The following ZNF33A variants were observed in gnomAD, a reference collection of about 807,000 sequenced individuals.
ZNF33A encodes zinc finger protein 33A.
In ZNF33A, 9 loss-of-function variants were observed where a neutral mutation model predicts 15.9. That is an observed-to-expected ratio of 0.57 (90% CI 0.34 to 0.99). The LOEUF (loss-of-function observed/expected upper bound fraction) is 0.99, where lower values mean the gene tolerates loss of function less well. Ranked by LOEUF, ZNF33A falls within the 50% of genes least tolerant of loss-of-function variation. ZNF33A has a pLI of 0.02. For missense variants in ZNF33A, 843 were observed against 941.6 expected (o/e 0.90, Z 1.37); for synonymous variants, 294 against 324.2 (o/e 0.91, Z 1.00).
intron 4 of ZNF33A, among the ~76,000 whole-genome samples, chr10:38,046,190 G>T (rs2065939749): frequency 1.3e-5 from 2 of 152,190 alleles, no homozygotes; most frequent in Non-Finnish European, 2.9e-5. Flanking sequence ...GCTTGCAGGA[G>T]ATAGATGCAC....
At position 38,054,772 on chromosome 10, in the gene ZNF33A, G is replaced by C; in HGVS notation, c.648G>C (p.Glu216Asp). The C allele has an allele frequency of 6.2e-7, 1 of 1,613,562 alleles. No homozygotes were observed. Among genetic ancestry groups the C allele is most frequent in the Non-Finnish European group, 8.5e-7 (1 of 1,179,904 alleles). Residue 216 changes from glutamate (E) to aspartate (D), a missense_variant, in exon 5 of 5, where the codon GAG (glutamate) becomes GAC (aspartate). By Grantham distance (45) the Glu-to-Asp change is conservative. Transcript: ENST00000432900. ...TLQHEKIQTL[E>D]HNFEYSICQE... The stretch of plus-strand genomic sequence containing the variant: ...AGCATGAGAAGATTCAAACTTTAGA[G>C]CACAATTTTGAATACAGTATATGTC...
At chr10:38,021,423 A>T (rs1275172476) in intron 4 of ZNF33A, among the ~76,000 whole-genome samples, 11 of 12,382 alleles carry the variant, frequency 8.9e-4, no homozygotes, top group African/African-American at 1.6e-3. Flanking sequence ...ATTACTAGCC[A>T]TGAGGTCAGG....
At chr10:38,066,237 T>G (rs1464747408), downstream of ZNF33A, among the ~76,000 whole-genome samples, 1 of 152,160 alleles carries the variant, frequency 6.6e-6, no homozygotes, top group Non-Finnish European at 1.5e-5. Context: ...TCTTTCCAGC[T>G]ATTTCTTTCT....
At chr10:38,061,818 G>A (rs1435401943), downstream of ZNF33A, among the ~76,000 whole-genome samples, 2 of 152,098 alleles carry the variant, frequency 1.3e-5, no homozygotes, top group Non-Finnish European at 2.9e-5. Flanking sequence ...AAAATTAGCT[G>A]AGCATGGTCG....
intron 4 of ZNF33A, among the ~76,000 whole-genome samples, chr10:38,019,192 G>A (rs951185953): frequency 1.3e-5 from 2 of 150,132 alleles, no homozygotes; most frequent in African/African-American, 4.9e-5. Context: ...GTGTCCATGT[G>A]TTCTCATTGT....
intron 4 of ZNF33A, among the ~76,000 whole-genome samples, chr10:38,028,238 A>T (rs1465285670): frequency 6.6e-6 from 1 of 152,110 alleles, no homozygotes; most frequent in Non-Finnish European, 1.5e-5. Context: ...ACTGCACTCC[A>T]GCCTAGGTGA....
intron 3 of ZNF33A, 97 bp from the exon 4 acceptor site, chr10:38,017,194 A>G (rs1564834369): frequency 2.8e-6 from 4 of 1,405,330 alleles, no homozygotes; most frequent in Non-Finnish European, 3.9e-6. Flanking sequence ...AAAATGTTCC[A>G]CTGGCAACTC....
Position 38,058,270 on chromosome 10 carries a change from C to G in ZNF33A, c.*1710C>G, listed in dbSNP as rs1378203921. ...AAGAACAAACAGAAGACAAATATTG[C>G]TAATACCAAAAATGAAAGAGGCCAT... is the stretch of plus-strand genomic sequence containing the variant. On this transcript the variant is annotated 3_prime_UTR_variant, in exon 5 of 5. Transcript: ENST00000432900. The G allele has an allele frequency of 6.3e-6, 1 of 158,882 alleles. No individual in the cohort carries two copies. Among genetic ancestry groups the G allele is most frequent in the Non-Finnish European group, 1.3e-5 (1 of 74,344 alleles). 9.8% of individuals were successfully genotyped at this position (158,882 alleles called of 1,614,324 possible). A position where few individuals can be genotyped will look rare whatever the true frequency, so the allele number is the denominator to read the frequency against.
intron 4 of ZNF33A, among the ~76,000 whole-genome samples, chr10:38,041,002 C>T (rs545258067): frequency 1.4e-4 from 22 of 152,270 alleles, no homozygotes; most frequent in African/African-American, 5.1e-4. Context: ...GTAACTTGAT[C>T]GTAAGTCAAG....
chr10:38,010,545 G>A (rs2064118049), upstream of ZNF33A: 2 of 739,272 alleles, frequency 2.7e-6, no homozygotes, highest in Non-Finnish European at 4.8e-6. Flanking sequence ...TGCCTAGCGG[G>A]GCACTTCTCT....
downstream of ZNF33A, among the ~76,000 whole-genome samples, chr10:38,061,927 A>T (rs1054547017): frequency 6.6e-6 from 1 of 152,204 alleles, no homozygotes; most frequent in Non-Finnish European, 1.5e-5. Context: ...ACTGCACTCC[A>T]GCTTGGGCAA....
chr10:38,067,013 T>C (rs1420346051), downstream of ZNF33A, among the ~76,000 whole-genome samples: 1 of 152,188 alleles, frequency 6.6e-6, no homozygotes, highest in Non-Finnish European at 1.5e-5. Flanking sequence ...CTGTCCTCAA[T>C]ATGACCTATT....
At chr10:38,024,960 T>C (rs1466841919) in intron 4 of ZNF33A, among the ~76,000 whole-genome samples, 1 of 152,242 alleles carries the variant, frequency 6.6e-6, no homozygotes, top group African/African-American at 2.4e-5. Flanking sequence ...GTAACCCTTA[T>C]TTTACTTAAT....
At position 38,056,598 on chromosome 10, in the gene ZNF33A, A is replaced by T. The variant is rs758611747; in HGVS notation, c.*38A>T. ...TCACCTTATGTTACTCCAAAGTAATAGTAGGGGATAAACCCATAGACTACA... is the reference window on the plus strand; with the variant it reads ...TCACCTTATGTTACTCCAAAGTAATTGTAGGGGATAAACCCATAGACTACA... On this transcript the variant is annotated 3_prime_UTR_variant, in exon 5 of 5. Coordinates refer to ENST00000432900, the MANE Select transcript of ZNF33A (RefSeq NM_006954.2). 1 of 1,527,036 alleles carries T rather than the reference A, an allele frequency of 6.5e-7. No individual in the cohort carries two copies. The highest frequency in any genetic ancestry group is 2.2e-5 in the Admixed American group (1 of 45,666). 94.6% of individuals were successfully genotyped at this position (1,527,036 alleles called of 1,614,324 possible). A position where few individuals can be genotyped will look rare whatever the true frequency, so the allele number is the denominator to read the frequency against.
Position 38,055,707 on chromosome 10 carries a change from A to T in ZNF33A, c.1583A>T (p.Tyr528Phe), listed in dbSNP as rs1323833535. The change falls in exon 5 of 5, where the codon TAT (tyrosine) becomes TTT (phenylalanine). Residue 528 changes from tyrosine (Y) to phenylalanine (F), a missense_variant. Physicochemically the swap from Tyr to Phe is conservative, Grantham distance 22. Transcript: ENST00000432900. ...IHTGWKPYEC[Y>F]ECGKTFCLKS... ...ACAGGGTGGAAACCTTATGAATGTT[A>T]TGAATGTGGGAAAACCTTCTGCTTG... 3 of 1,613,952 alleles carry T rather than the reference A, an allele frequency of 1.9e-6. No individual in the cohort carries two copies. The highest frequency in any genetic ancestry group is 2.5e-6 in the Non-Finnish European group (3 of 1,179,970).
chr10:38,039,127 T>A (rs1227322863), intron 4 of ZNF33A, among the ~76,000 whole-genome samples: 5 of 151,796 alleles, frequency 3.3e-5, no homozygotes, highest in African/African-American at 1.2e-4. Context: ...AGTTTTTGAG[T>A]AATTGATAAT....
At chr10:38,010,497 A>T (rs2064117081), upstream of ZNF33A, 1 of 617,624 alleles carries the variant, frequency 1.6e-6, no homozygotes, top group South Asian at 1.8e-5. Context: ...CCAGGGCTGC[A>T]GGCAGTTCCA....
At chr10:38,025,600 C>G (rs899784845) in intron 4 of ZNF33A, among the ~76,000 whole-genome samples, 16 of 152,250 alleles carry the variant, frequency 1.1e-4, no homozygotes, top group Admixed American at 7.8e-4. Flanking sequence ...GTCCTGATCT[C>G]AGACTTCCAG....
chr10:38,064,125 C>A (rs765223350), downstream of ZNF33A: 6 of 1,595,810 alleles, frequency 3.8e-6, no homozygotes, highest in Non-Finnish European at 5.1e-6. Flanking sequence ...TAAACCCCTG[C>A]AGTGCTGGAA....
Sources: gnomAD v4.1 joint callset for allele counts (sites outside exome capture counted in the v4.1 genomes callset) on GRCh38, gnomAD v4.1.1 for gene constraint, MANE v1.5 for transcripts, NCBI Gene and HGNC (gene_info 2026-07-23, HGNC 2026-07-21) for gene names.